The following TRIM42 variants were observed in gnomAD, a reference collection of about 807,000 sequenced individuals.
TRIM42 encodes the protein tripartite motif-containing protein 42.
In TRIM42, 59 loss-of-function variants were observed where a neutral mutation model predicts 64.9. The observed-to-expected ratio is 0.91, with a 90% CI of 0.74 to 1.13. The LOEUF (loss-of-function observed/expected upper bound fraction) is 1.13, where lower values mean the gene tolerates loss of function less well. TRIM42 is among the 50% of genes most tolerant of loss of function. The pLI is 0.00. For synonymous variants in TRIM42, 354 were observed against 346.3 expected, an observed-to-expected ratio of 1.02 and a Z score of -0.25; for missense variants, 878 against 929.5, an observed-to-expected ratio of 0.94 and a Z score of 0.72.
Position 140,682,754 on chromosome 3 carries a change from G to A in TRIM42, c.634G>A (p.Gly212Arg), listed in dbSNP as rs1471476136. ...KMQLPENYLH[G>R]RLTKRYMQEH... Reference sequence around the variant, plus strand: ...GCAGCTGCCCGAGAACTACCTGCACGGGCGTCTCACCAAGCGCTACATGCA... The same window carrying A: ...GCAGCTGCCCGAGAACTACCTGCACAGGCGTCTCACCAAGCGCTACATGCA... The change falls in exon 2 of 5, where the codon GGG becomes AGG. Residue 212 changes from glycine to arginine, a missense_variant. Physicochemically the swap from Gly to Arg is moderately radical, Grantham distance 125 (BLOSUM62 -2). Coordinates refer to ENST00000286349, the MANE Select transcript of TRIM42 (RefSeq NM_152616.5). 8 of 1,612,898 alleles carry A rather than the reference G, an allele frequency of 5.0e-6. No homozygotes were observed. Among genetic ancestry groups the A allele is most frequent in the Admixed American group, 1.7e-5 (1 of 60,006 alleles).
chr3:140,689,625 T>C (rs698677), intron 3 of TRIM42, among the ~76,000 whole-genome samples: 44,738 of 151,716 alleles, frequency 0.29, 6,767 homozygotes, highest in East Asian at 0.42. Context: ...TTTTCCATTC[T>C]CCTGACGCAT....
Position 140,688,468 on chromosome 3 carries a change from T to C in TRIM42, c.1786T>C (p.Phe596Leu), listed in dbSNP as rs116491128. 8 of 1,614,170 alleles carry C rather than the reference T, an allele frequency of 5.0e-6. No homozygotes were observed. Among genetic ancestry groups the C allele is most frequent in the Non-Finnish European group, 6.8e-6 (8 of 1,180,034 alleles). Residue 596 changes from phenylalanine (F) to leucine (L), a missense_variant, in exon 3 of 5, where the codon TTC becomes CTC. Physicochemically the swap from Phe to Leu is conservative, Grantham distance 22. Transcript: ENST00000286349. Reference protein sequence around the residue: ...NSSSFHNWYSFNDGSVKTPGP... With the variant: ...NSSSFHNWYSLNDGSVKTPGP... Reference sequence around the variant, plus strand: ...CAGCAGCTTCCACAACTGGTACTCATTCAACGATGGCTCTGTGAAGACCCC... The same window carrying C: ...CAGCAGCTTCCACAACTGGTACTCACTCAACGATGGCTCTGTGAAGACCCC...
At chr3:140,692,064 T>C (rs4683517) in intron 4 of TRIM42, among the ~76,000 whole-genome samples, 73,095 of 151,854 alleles carry the variant, frequency 0.48, 18,614 homozygotes, top group Non-Finnish European at 0.57. Flanking sequence ...ACTTCTAGGA[T>C]ATGCATCTGA....
At position 140,687,980 on chromosome 3, in the gene TRIM42, C is replaced by A; in HGVS notation, c.1298C>A (p.Ala433Asp). The A allele has an allele frequency of 6.2e-7, 1 of 1,614,182 alleles. No homozygotes were observed. ...GGTCTGATCGCCTACTCCAAGGAAG[C>A]CCTGAAGGAGACTGGCCAGGTGGCA... ...MDGLIAYSKE[A>D]LKETGQVAFL... The change falls in exon 3 of 5, where the codon GCC becomes GAC. Residue 433 changes from alanine (A) to aspartate (D), a missense_variant. Ala to Asp is a moderately radical substitution (Grantham distance 126). Coordinates refer to ENST00000286349, the MANE Select transcript of TRIM42 (RefSeq NM_152616.5).
intron 2 of TRIM42, among the ~76,000 whole-genome samples, chr3:140,686,950 G>A (rs561522051): frequency 6.6e-6 from 1 of 152,272 alleles, no homozygotes; most frequent in East Asian, 1.9e-4. Context: ...GAGCACAGAT[G>A]CCCTCTCATA....
rs777694252 is a variant in TRIM42 at position 140,688,191 on chromosome 3, C to T, written c.1509C>T (p.Ser503=). The T allele has an allele frequency of 1.2e-6, 2 of 1,614,210 alleles. No individual in the cohort carries two copies. Among genetic ancestry groups the T allele is most frequent in the Non-Finnish European group, 1.7e-6 (2 of 1,180,032 alleles). Residue 503 remains serine, a synonymous_variant, in exon 3 of 5, where the codon TCC becomes TCT. Coordinates refer to ENST00000286349, the MANE Select transcript of TRIM42 (RefSeq NM_152616.5). ...GPKKVRSSGD[S]LPSPYPVHSE... is the part of the protein sequence containing the mutation. ...AGAAGGTACGCTCCTCAGGGGACTCCCTGCCCTCCCCCTACCCCGTGCACT... is the reference window on the plus strand; with the variant it reads ...AGAAGGTACGCTCCTCAGGGGACTCTCTGCCCTCCCCCTACCCCGTGCACT...
chr3:140,691,289 T>C (rs1988706099), intron 4 of TRIM42, 97 bp downstream of exon 4: 6 of 1,030,362 alleles, frequency 5.8e-6, no homozygotes, highest in Non-Finnish European at 8.9e-6. Context: ...GAACTCACTA[T>C]GGGACTCTTC....
intron 4 of TRIM42, 49 bp from the exon 5 acceptor site, chr3:140,700,839 T>TG: frequency 6.4e-7 from 1 of 1,563,766 alleles, no homozygotes; most frequent in South Asian, 1.1e-5. Context: ...CCCAGGCTAC[T>TG]GGGAGCTGTT....
In TRIM42 at chr3:140,691,623, A is replaced by C. The variant is rs550010826; in HGVS notation, c.2085+431A>C. Among the ~76,000 whole-genome samples, 29 of 152,324 alleles carry C rather than the reference A, an allele frequency of 1.9e-4. No homozygotes were observed. The East Asian group carries it at 5.4e-3, about 28-fold the overall frequency. On this transcript the variant is annotated intron_variant, in intron 4 of 4. Coordinates refer to ENST00000286349, the MANE Select transcript of TRIM42 (RefSeq NM_152616.5). ...AATACAGGATGCCCAGTTAAATTTG[A>C]ATTTCTGGCACACAATAATTTTTAT...
Position 140,687,060 on chromosome 3 carries a change from A to G in TRIM42, c.1040-662A>G, listed in dbSNP as rs114427664. 4.2e-3 allele frequency among the ~76,000 whole-genome samples: 634 copies of G among 152,314 alleles called. 3 individuals are homozygous for G. Among genetic ancestry groups the G allele is most frequent in the African/African-American group, 0.014 (602 of 41,570 alleles). On this transcript the variant is annotated intron_variant, in intron 2 of 4. Transcript: ENST00000286349. ...TGAGTGAACTTAAAATCCAAATGCC[A>G]TATGAGGGGACACAGGGTAAACTGG...
chr3:140,688,507 A>C lies in TRIM42; in HGVS notation c.1825A>C (p.Ile609Leu). 6.2e-7 allele frequency: 1 copy of C among 1,613,658 alleles called. No individual in the cohort carries two copies. The highest frequency in any genetic ancestry group is 8.5e-7 in the Non-Finnish European group (1 of 1,179,696). Reference sequence around the variant, plus strand: ...TGTGAAGACCCCAGGCCCAATTGTTATCTACCAGACTCTGGTGTACCCAAG... The same window carrying C: ...TGTGAAGACCCCAGGCCCAATTGTTCTCTACCAGACTCTGGTGTACCCAAG... ...GSVKTPGPIV[I>L]YQTLVYPRAA... The change falls in exon 3 of 5, where the codon ATC becomes CTC. Residue 609 changes from isoleucine (I) to leucine (L), a missense_variant. Ile to Leu is a conservative substitution (Grantham distance 5, BLOSUM62 2). Coordinates refer to ENST00000286349, the MANE Select transcript of TRIM42 (RefSeq NM_152616.5).
chr3:140,682,783 G>C lies in TRIM42; in HGVS notation c.663G>C (p.Glu221Asp), dbSNP rs765650373. 9 of 1,613,462 alleles carry C rather than the reference G, an allele frequency of 5.6e-6. No homozygotes were observed. In the East Asian group the frequency reaches 1.8e-4, roughly 32 times the overall value. The change falls in exon 2 of 5, where the codon GAG becomes GAC. Residue 221 changes from glutamate (E) to aspartate (D), a missense_variant. Coordinates refer to ENST00000286349, the MANE Select transcript of TRIM42 (RefSeq NM_152616.5). ...HGRLTKRYMQ[E>D]HGYLKWRFDR... ...GTCTCACCAAGCGCTACATGCAGGA[G>C]CACGGCTACCTCAAGTGGCGCTTTG...
At chr3:140,699,890 G>T (rs1988954392) in intron 4 of TRIM42, among the ~76,000 whole-genome samples, 1 of 152,184 alleles carries the variant, frequency 6.6e-6, no homozygotes. Flanking sequence ...GCTAATAAGG[G>T]TCTGGCTTCT....
chr3:140,700,688 A>G (rs1251311980), intron 4 of TRIM42, among the ~76,000 whole-genome samples, 200 bp from the exon 5 acceptor site: 1 of 152,240 alleles, frequency 6.6e-6, no homozygotes, highest in Non-Finnish European at 1.5e-5. Flanking sequence ...ATCCCAGGAC[A>G]CTATAGCTGT....
intron 4 of TRIM42, 36 bp downstream of exon 4, chr3:140,691,228 T>G (rs1988703975): frequency 6.3e-7 from 1 of 1,584,384 alleles, no homozygotes. Context: ...AGATTTTTTT[T>G]TCTATGGTAG....
In TRIM42 at chr3:140,687,940, GTGAACGAGA is replaced by G. The variant is rs1988591400; in HGVS notation, c.1261_1269del (p.Asn421_Met423del). ...ATATGTGTATGTTACAACCATGAAA[GTGAACGAGA>G]TGGATGGTCTGATCGCCTACTCCAA... On this transcript the variant is annotated inframe_deletion, in exon 3 of 5. Coordinates refer to ENST00000286349, the MANE Select transcript of TRIM42 (RefSeq NM_152616.5). 1 of 1,614,048 alleles carries G rather than the reference GTGAACGAGA, an allele frequency of 6.2e-7. No individual in the cohort carries two copies. The highest frequency in any genetic ancestry group is 1.3e-5 in the African/African-American group (1 of 74,920).
At chr3:140,690,230 C>T (rs917823556) in intron 3 of TRIM42, among the ~76,000 whole-genome samples, 14 of 151,942 alleles carry the variant, frequency 9.2e-5, no homozygotes, top group African/African-American at 3.4e-4. Flanking sequence ...AGTGTTGTAC[C>T]TTTTCAATAT....
chr3:140,697,784 C>A (rs148198670), intron 4 of TRIM42, among the ~76,000 whole-genome samples: 4,178 of 152,204 alleles, frequency 0.027, 187 homozygotes, highest in African/African-American at 0.093. Context: ...CCTGGGTTCA[C>A]GCCATTCTCC....
intron 2 of TRIM42, among the ~76,000 whole-genome samples, chr3:140,684,186 A>T (rs1189108480): frequency 6.6e-6 from 1 of 152,204 alleles, no homozygotes; most frequent in Non-Finnish European, 1.5e-5. Context: ...TCCATGGATA[A>T]GACAACTGTG....
Sources: allele counts gnomAD v4.1 joint callset (sites outside exome capture counted in the v4.1 genomes callset), GRCh38; gene constraint gnomAD v4.1.1; transcripts MANE v1.5; gene names NCBI Gene and HGNC (gene_info 2026-07-23, HGNC 2026-07-21).